SEMA3C: variants seen among roughly 807,000 people sequenced by gnomAD.
SEMA3C encodes semaphorin-3C.
In SEMA3C, 47 loss-of-function variants were observed where a neutral mutation model predicts 89.4. That is an observed-to-expected ratio of 0.53 (90% CI 0.42 to 0.67). The LOEUF (loss-of-function observed/expected upper bound fraction) is 0.67, where lower values mean the gene tolerates loss of function less well. Among genes scored for constraint, SEMA3C ranks in the 30% least tolerant of loss-of-function variants. The pLI, the probability that SEMA3C is intolerant of heterozygous loss-of-function variation, is 0.00. For synonymous variants in SEMA3C, 310 were observed against 320.2 expected (o/e 0.97, Z 0.34); for missense variants, 839 against 929.1 (o/e 0.90, Z 1.26).
rs1787747422 is a variant in SEMA3C at position 80,744,240 on chromosome 7, G to T, written c.*654C>A. The T allele has an allele frequency of 6.6e-6, 1 of 151,952 alleles. No homozygotes were observed. The allele number at this position is 151,952 out of a possible 1,614,324, so 9.4% of individuals were successfully genotyped here. On this transcript the variant is annotated 3_prime_UTR_variant, in exon 18 of 18. Transcript: ENST00000265361. ...TAACTCCCACCAAATATCTTCATGG[G>T]GTAGGTTACTGATTTTTATCTTCCT...
intron 5 of SEMA3C, among the ~76,000 whole-genome samples, chr7:80,814,091 C>CTTTTTTTTTTTTTTTTTTT (rs543351408): frequency 7.9e-6 from 1 of 126,262 alleles, no homozygotes; most frequent in Non-Finnish European, 1.7e-5. Context: ...TTTCTTTTTT[C>CTTTTTTTTTTTTTTTTTTT]TTTTTTTTTT....
At chr7:80,768,349 T>TA (rs972634008) in intron 12 of SEMA3C, among the ~76,000 whole-genome samples, 4 of 151,712 alleles carry the variant, frequency 2.6e-5, no homozygotes, top group South Asian at 4.2e-4. Context: ...CCGTCTCTAC[T>TA]AAAAAATACA....
chr7:80,877,834 G>A (rs755612013), intron 2 of SEMA3C, among the ~76,000 whole-genome samples: 6 of 152,014 alleles, frequency 3.9e-5, no homozygotes, highest in South Asian at 4.2e-4. Flanking sequence ...AATTTCTGAC[G>A]TGTGAGAATG....
At chr7:80,768,318 C>T (rs1788349045) in intron 12 of SEMA3C, among the ~76,000 whole-genome samples, 1 of 152,044 alleles carries the variant, frequency 6.6e-6, no homozygotes, top group East Asian at 1.9e-4. Flanking sequence ...TCGAGACCAT[C>T]CTGGCTAACA....
At chr7:80,752,396 G>T (rs1167678073) in intron 15 of SEMA3C, among the ~76,000 whole-genome samples, 1 of 152,070 alleles carries the variant, frequency 6.6e-6, no homozygotes, top group Non-Finnish European at 1.5e-5. Flanking sequence ...CGGATCATGA[G>T]GTCAGGAGTT....
chr7:80,782,876 A>C (rs1393720693), intron 12 of SEMA3C, among the ~76,000 whole-genome samples: 1 of 152,214 alleles, frequency 6.6e-6, no homozygotes, highest in Non-Finnish European at 1.5e-5. Flanking sequence ...CTGGAAAAAG[A>C]TAAGCACTGC....
chr7:80,899,540 C>T (rs988419895), intron 2 of SEMA3C, among the ~76,000 whole-genome samples: 4 of 152,036 alleles, frequency 2.6e-5, no homozygotes, highest in African/African-American at 9.7e-5. Context: ...TGATCAATAC[C>T]ACCCTGGAGA....
intron 14 of SEMA3C, among the ~76,000 whole-genome samples, chr7:80,761,185 A>G (rs1788174841): frequency 6.6e-6 from 1 of 152,166 alleles, no homozygotes. Context: ...AAAAGAATAC[A>G]CTGTGCATTT....
intron 12 of SEMA3C, among the ~76,000 whole-genome samples, chr7:80,787,877 G>A (rs779579420): frequency 6.6e-6 from 1 of 152,194 alleles, no homozygotes. Context: ...GGCAGGCAAA[G>A]AGAGGAATAG....
chr7:80,860,091 T>C (rs1790735434), intron 2 of SEMA3C, among the ~76,000 whole-genome samples: 1 of 152,130 alleles, frequency 6.6e-6, no homozygotes, highest in African/African-American at 2.4e-5. Flanking sequence ...ATCCTTTTAG[T>C]AATATGTATG....
chr7:80,844,894 T>A (rs1465952520), intron 2 of SEMA3C, among the ~76,000 whole-genome samples: 2 of 152,198 alleles, frequency 1.3e-5, no homozygotes, highest in Non-Finnish European at 2.9e-5. Flanking sequence ...GTTTTCAAGG[T>A]GTGTAACACA....
At chr7:80,789,742 G>T (rs866574860) in intron 11 of SEMA3C, among the ~76,000 whole-genome samples, 1 of 152,242 alleles carries the variant, frequency 6.6e-6, no homozygotes, top group Non-Finnish European at 1.5e-5. Context: ...CTAAGTCATT[G>T]TATGTTATTC....
intron 2 of SEMA3C, among the ~76,000 whole-genome samples, chr7:80,841,856 A>G (rs551193947): frequency 6.6e-6 from 1 of 152,350 alleles, no homozygotes; most frequent in South Asian, 2.1e-4. Flanking sequence ...CAGCTACTTT[A>G]TCTAAATATT....
intron 2 of SEMA3C, among the ~76,000 whole-genome samples, chr7:80,863,791 T>TG: frequency 5.0e-5 from 6 of 120,856 alleles, no homozygotes; most frequent in Non-Finnish European, 8.3e-5. Flanking sequence ...TATAGTAGTA[T>TG]TCCATCTGAT....
intron 2 of SEMA3C, among the ~76,000 whole-genome samples, chr7:80,863,231 A>AT (rs1790814912): frequency 8.9e-6 from 1 of 112,868 alleles, no homozygotes; most frequent in Admixed American, 8.4e-5. Context: ...ACTCCATCTT[A>AT]AAAAAAAAAA....
chr7:80,766,017 A>G (rs1475497372), intron 12 of SEMA3C, among the ~76,000 whole-genome samples: 1 of 152,232 alleles, frequency 6.6e-6, no homozygotes, highest in Non-Finnish European at 1.5e-5. Context: ...AATTTTTATA[A>G]TAACTGTATA....
At chr7:80,754,957 G>GTTTTTTTTTT (rs1368382376) in intron 15 of SEMA3C, among the ~76,000 whole-genome samples, 2 of 108,364 alleles carry the variant, frequency 1.8e-5, no homozygotes, top group Admixed American at 1.0e-4. Flanking sequence ...GTTTTTTTTT[G>GTTTTTTTTTT]TTTTTTTTTT....
chr7:80,789,099 C>T (rs576782605), intron 12 of SEMA3C, among the ~76,000 whole-genome samples: 21 of 151,912 alleles, frequency 1.4e-4, no homozygotes, highest in African/African-American at 4.8e-4. Flanking sequence ...TATATATATT[C>T]CTCACAAGAA....
intron 2 of SEMA3C, among the ~76,000 whole-genome samples, chr7:80,853,964 T>G (rs868705382): frequency 1.5e-4 from 22 of 151,594 alleles, no homozygotes; most frequent in Admixed American, 2.6e-4. Flanking sequence ...AAAAAAAATG[T>G]AAAAAGGAGA....
Sources: gnomAD v4.1 joint callset for allele counts (sites outside exome capture counted in the v4.1 genomes callset) on GRCh38, gnomAD v4.1.1 for gene constraint, MANE v1.5 for transcripts, NCBI Gene and HGNC (gene_info 2026-07-23, HGNC 2026-07-21) for gene names.